The following RALGAPA2 variants were observed in gnomAD, a reference collection of about 807,000 sequenced individuals.
RALGAPA2 encodes the protein Ral GTPase activating protein catalytic subunit alpha 2, also known as ral GTPase-activating protein subunit alpha-2.
Under a neutral mutation model 230.4 loss-of-function variants are expected in RALGAPA2, and 139 were observed. That is an observed-to-expected ratio of 0.60 (90% CI 0.53 to 0.69). The LOEUF is 0.69. RALGAPA2 is among the 30% of genes least tolerant of loss of function. RALGAPA2 has a pLI of 0.00. For missense variants in RALGAPA2, 2,163 were observed against 2,276.0 expected, an observed-to-expected ratio of 0.95 and a Z score of 1.01; for synonymous variants, 847 against 837.8, an observed-to-expected ratio of 1.01 and a Z score of -0.19.
intron 1 of RALGAPA2, among the ~76,000 whole-genome samples, chr20:20,694,750 A>C (rs2069045265): frequency 6.6e-6 from 1 of 152,192 alleles, no homozygotes; most frequent in South Asian, 2.1e-4. Flanking sequence ...ATTCATGTAA[A>C]ACCGTGTTTG....
intron 36 of RALGAPA2, among the ~76,000 whole-genome samples, chr20:20,479,180 C>A (rs143430256): frequency 6.6e-6 from 1 of 152,082 alleles, no homozygotes. Context: ...AGCTCAGAAG[C>A]CTTCACTGGC....
chr20:20,669,491 C>T (rs2068064335), intron 3 of RALGAPA2, among the ~76,000 whole-genome samples: 1 of 152,174 alleles, frequency 6.6e-6, no homozygotes, highest in Admixed American at 6.5e-5. Flanking sequence ...CTTTTATGGA[C>T]TCTATCCCCC....
intron 24 of RALGAPA2, among the ~76,000 whole-genome samples, chr20:20,541,707 G>A (rs1327453571): frequency 2.6e-5 from 4 of 152,142 alleles, no homozygotes; most frequent in African/African-American, 7.2e-5. Context: ...CACTGACTGT[G>A]GTAACTGATA....
intron 2 of RALGAPA2, among the ~76,000 whole-genome samples, chr20:20,677,076 T>A (rs1394144281): frequency 6.6e-6 from 1 of 152,158 alleles, no homozygotes; most frequent in African/African-American, 2.4e-5. Flanking sequence ...ATTGAATAAA[T>A]ACTACAGAAT....
At chr20:20,477,374 C>T (rs1484567289) in intron 36 of RALGAPA2, among the ~76,000 whole-genome samples, 1 of 152,142 alleles carries the variant, frequency 6.6e-6, no homozygotes, top group African/African-American at 2.4e-5. Flanking sequence ...TAAAAAGTGA[C>T]CATATCCTCA....
intron 4 of RALGAPA2, among the ~76,000 whole-genome samples, chr20:20,646,622 A>G (rs2067224465): frequency 6.6e-6 from 1 of 152,348 alleles, no homozygotes; most frequent in East Asian, 1.9e-4. Context: ...CTTTGAATGT[A>G]AGTCTTACTA....
At position 20,584,975 on chromosome 20, in the gene RALGAPA2, T is replaced by C. The variant is rs1054012943; in HGVS notation, c.2440-20A>G. The C allele has an allele frequency of 3.8e-6, 6 of 1,565,648 alleles. No individual in the cohort carries two copies. The African/African-American group carries it at 4.1e-5, about 11-fold the overall frequency. On this transcript the variant is annotated intron_variant, in intron 18 of 39. Transcript: ENST00000202677. Reference sequence around the variant, plus strand: ...TAAGATCTTCAGACAAAAAGAAATATTGCATTTACTACAGGAAAGTTTTCA... The same window carrying C: ...TAAGATCTTCAGACAAAAAGAAATACTGCATTTACTACAGGAAAGTTTTCA...
chr20:20,696,016 T>C (rs2069100508), intron 1 of RALGAPA2, among the ~76,000 whole-genome samples: 1 of 152,176 alleles, frequency 6.6e-6, no homozygotes, highest in Non-Finnish European at 1.5e-5. Context: ...ATATGCCTGC[T>C]CTCTGCCTGT....
At chr20:20,708,165 C>T (rs6047000) in intron 1 of RALGAPA2, among the ~76,000 whole-genome samples, 10,003 of 152,146 alleles carry the variant, frequency 0.066, 450 homozygotes, top group East Asian at 0.16. Context: ...ATATTAAATA[C>T]ATGGAGTTAA....
chr20:20,582,968 C>G (rs1357722285), intron 20 of RALGAPA2, 82 bp downstream of exon 20: 4 of 1,434,952 alleles, frequency 2.8e-6, no homozygotes, highest in Admixed American at 2.0e-5. Flanking sequence ...GTTTCAGAAC[C>G]CTCTGTATAC....
intron 30 of RALGAPA2, among the ~76,000 whole-genome samples, chr20:20,521,356 C>T (rs1164995138): frequency 6.6e-6 from 1 of 152,148 alleles, no homozygotes; most frequent in African/African-American, 2.4e-5. Context: ...TGTGATTGCA[C>T]ATACCTAAGT....
At chr20:20,633,037 C>CTTTT (rs1186741660) in intron 9 of RALGAPA2, among the ~76,000 whole-genome samples, 2 of 149,198 alleles carry the variant, frequency 1.3e-5, no homozygotes, top group Non-Finnish European at 3.0e-5. Flanking sequence ...TTCTTTCTTT[C>CTTTT]TTTTTCTTTC....
At chr20:20,563,700 C>T (rs1481937893) in intron 23 of RALGAPA2, among the ~76,000 whole-genome samples, 1 of 152,128 alleles carries the variant, frequency 6.6e-6, no homozygotes, top group African/African-American at 2.4e-5. Flanking sequence ...AATTCATCTT[C>T]TTGCCTTTCT....
At chr20:20,602,981 T>C (rs1310115396) in intron 15 of RALGAPA2, among the ~76,000 whole-genome samples, 1 of 152,188 alleles carries the variant, frequency 6.6e-6, no homozygotes. Context: ...TGAGAACGAC[T>C]GTCTTAGGGA....
intron 35 of RALGAPA2, among the ~76,000 whole-genome samples, chr20:20,498,627 C>A (rs80024590): frequency 6.6e-6 from 1 of 152,264 alleles, no homozygotes; most frequent in East Asian, 1.9e-4. Context: ...GGCCTGACAT[C>A]CCCATTGTTC....
intron 3 of RALGAPA2, among the ~76,000 whole-genome samples, chr20:20,666,997 A>G (rs1001496073): frequency 2.0e-5 from 3 of 152,236 alleles, no homozygotes; most frequent in African/African-American, 7.2e-5. Flanking sequence ...TATTATATTC[A>G]TAACTCTAGT....
In RALGAPA2 at chr20:20,512,224, T is replaced by TACACAC. The variant is rs1257439741; in HGVS notation, c.4856+283_4856+288dup. ...AACAAACAACAACAACAACCCCCCC[T>TACACAC]ACACACACACACACATACACACACA... On this transcript the variant is annotated intron_variant, in intron 32 of 39. Coordinates refer to ENST00000202677, the MANE Select transcript of RALGAPA2 (RefSeq NM_020343.4). 3.6e-3 allele frequency among the ~76,000 whole-genome samples: 498 copies of TACACAC among 137,772 alleles called. 3 individuals carry two copies. The highest frequency in any genetic ancestry group is 8.6e-3 in the East Asian group (41 of 4,770). The allele number at this position is 137,772 out of a possible 152,430, so 90.4% of individuals were successfully genotyped here.
rs1303592191 is a variant in RALGAPA2, at chr20:20,680,740, G to T, written c.168C>A (p.Phe56Leu). Residue 56 changes from phenylalanine (F) to leucine (L), a missense_variant, in exon 2 of 40, where the codon TTC (phenylalanine) becomes TTA (leucine). Transcript: ENST00000202677. ...GTGCTATAAAATTTTCATAGAAGATGAAATATATCTGAGAATAGTTGGTCT... is the reference window on the plus strand; with the variant it reads ...GTGCTATAAAATTTTCATAGAAGATTAAATATATCTGAGAATAGTTGGTCT... ...FFETNYSQIY[F>L]IFYENFIALE... 1.9e-6 allele frequency: 3 copies of T among 1,585,308 alleles called. No individual in the cohort carries two copies. The highest frequency in any genetic ancestry group is 1.9e-5 in the Admixed American group (1 of 53,238).
intron 37 of RALGAPA2, among the ~76,000 whole-genome samples, chr20:20,434,363 C>A (rs900897882): frequency 1.3e-5 from 2 of 151,942 alleles, no homozygotes; most frequent in African/African-American, 4.8e-5. Flanking sequence ...AAGTTCAAAG[C>A]CTGATGAGAT....
Sources: gnomAD v4.1 joint callset for allele counts (sites outside exome capture counted in the v4.1 genomes callset) on GRCh38, gnomAD v4.1.1 for gene constraint, MANE v1.5 for transcripts, NCBI Gene and HGNC (gene_info 2026-07-23, HGNC 2026-07-21) for gene names.